CNTN6: variants seen among roughly 807,000 people sequenced by gnomAD.
CNTN6 encodes the protein contactin-6.
CNTN6 carries 137 observed loss-of-function variants against 122.8 expected under a neutral mutation model. The observed-to-expected ratio is 1.12, with a 90% CI of 0.97 to 1.29. CNTN6 has a LOEUF of 1.29. Among genes scored for constraint, CNTN6 ranks in the 50% most tolerant of loss-of-function variants. CNTN6 has a pLI of 0.00. For missense variants in CNTN6, 1,634 were observed against 1,223.4 expected, an observed-to-expected ratio of 1.34 and a Z score of -5.01; for synonymous variants, 570 against 426.0, an observed-to-expected ratio of 1.34 and a Z score of -4.16.
At position 1,295,660 on chromosome 3, in the gene CNTN6, C is replaced by T. The variant is rs1377470355; in HGVS notation, c.514C>T (p.Arg172Ter). 9.9e-6 allele frequency: 16 copies of T among 1,613,762 alleles called. 1 individual carries two copies. The highest frequency in any genetic ancestry group is 8.8e-5 in the South Asian group (8 of 91,088). Residue 172 changes from arginine to a stop codon, truncating the protein, a stop_gained, in exon 6 of 23, where the codon CGA (arginine) becomes TGA (stop). Transcript: ENST00000446702. LOFTEE classifies it high-confidence loss of function. The stretch of plus-strand genomic sequence containing the variant: ...CTTATACGTCCAAGAGGACAATAGG[C>T]GATTTGTATCTCAAGAGACGGGAAA... ...NPLYVQEDNR[R>*]FVSQETGNLY... is the part of the protein sequence containing the mutation.
chr3:1,245,059 T>C lies in CNTN6; in HGVS notation c.358+17066T>C, dbSNP rs1406492657. Among the ~76,000 whole-genome samples the C allele has an allele frequency of 3.4e-5, 5 of 148,502 alleles. No individual in the cohort carries two copies. The Admixed American group carries it at 3.4e-4, about 10-fold the overall frequency. On this transcript the variant is annotated intron_variant, in intron 4 of 22. Coordinates refer to ENST00000446702, the MANE Select transcript of CNTN6 (RefSeq NM_001289080.2). The stretch of plus-strand genomic sequence containing the variant: ...ATGTATACGTGCAAGTTACAGGGGA[T>C]GCGATGGCCTGGTCTGGGCTCAGAG...
rs1457720894 is a variant in CNTN6, at chr3:1,186,964, A to G, written c.56-33723A>G. 2.0e-5 allele frequency among the ~76,000 whole-genome samples: 3 copies of G among 152,174 alleles called. No individual in the cohort carries two copies. The East Asian group carries it at 5.8e-4, about 29-fold the overall frequency. On this transcript the variant is annotated intron_variant, in intron 2 of 22. Transcript: ENST00000446702. ...ATATAAAGGCCTATTTCATGTTACC[A>G]AAGAGGAAAAGAGAAGTTGAGAAAT...
chr3:1,155,263 C>A (rs1288699546), intron 2 of CNTN6, among the ~76,000 whole-genome samples: 1 of 152,186 alleles, frequency 6.6e-6, no homozygotes, highest in East Asian at 1.9e-4. Flanking sequence ...GTATAAGTGG[C>A]TGCATCACTG....
chr3:1,311,154 A>G (rs534074298), intron 7 of CNTN6, among the ~76,000 whole-genome samples: 4 of 141,550 alleles, frequency 2.8e-5, no homozygotes, highest in East Asian at 2.0e-4. Context: ...ATGTCTTTAT[A>G]TATACATAGG....
chr3:1,250,209 T>C (rs1456147553), intron 4 of CNTN6, among the ~76,000 whole-genome samples: 2 of 152,192 alleles, frequency 1.3e-5, no homozygotes, highest in Non-Finnish European at 2.9e-5. Flanking sequence ...AGCAAGTGAA[T>C]GGCAGAGCCA....
intron 4 of CNTN6, among the ~76,000 whole-genome samples, chr3:1,247,008 A>T (rs564580676): frequency 6.6e-6 from 1 of 152,078 alleles, no homozygotes; most frequent in South Asian, 2.1e-4. Context: ...AAACAGAAAA[A>T]TTTAAATTTA....
rs1337092497 is a variant in CNTN6 at position 1,403,968 on chromosome 3, C to T, written c.*550C>T. 6.6e-6 allele frequency: 1 copy of T among 152,072 alleles called. No individual in the cohort carries two copies. The highest frequency in any genetic ancestry group is 1.5e-5 in the Non-Finnish European group (1 of 67,996). The allele number at this position is 152,072 out of a possible 1,614,324, so 9.4% of individuals were successfully genotyped here. ...ATATTTCAATATACATGATGTTCTT[C>T]TCAGCCCACTTTTCAGAAGATTCAG... is the stretch of plus-strand genomic sequence containing the variant. On this transcript the variant is annotated 3_prime_UTR_variant, in exon 23 of 23. Transcript: ENST00000446702.
intron 1 of CNTN6, among the ~76,000 whole-genome samples, chr3:1,130,297 C>A (rs1221688736): frequency 2.6e-5 from 4 of 151,934 alleles, no homozygotes; most frequent in African/African-American, 9.7e-5. Flanking sequence ...CTCCCTTCAC[C>A]CCTAGGATTT....
At chr3:1,327,730 A>C (rs556387886) in intron 10 of CNTN6, 144 bp downstream of exon 10, 3 of 888,674 alleles carry the variant, frequency 3.4e-6, no homozygotes, top group East Asian at 5.6e-5. Context: ...ACTTTTTACA[A>C]AATTCAAGGT....
At chr3:1,340,627 G>T (rs979913337) in intron 11 of CNTN6, among the ~76,000 whole-genome samples, 5 of 152,130 alleles carry the variant, frequency 3.3e-5, no homozygotes, top group Non-Finnish European at 7.4e-5. Context: ...AAGAGTTAAA[G>T]TTAGCAGACA....
intron 10 of CNTN6, among the ~76,000 whole-genome samples, chr3:1,328,969 T>C (rs1701902515): frequency 6.6e-6 from 1 of 151,678 alleles, no homozygotes; most frequent in South Asian, 2.1e-4. Flanking sequence ...ATTTCAATAG[T>C]ATTTTATTGC....
intron 1 of CNTN6, among the ~76,000 whole-genome samples, chr3:1,127,803 G>A (rs372978895): frequency 6.6e-5 from 10 of 151,672 alleles, no homozygotes; most frequent in South Asian, 2.1e-4. Context: ...CCTTTCATTC[G>A]GCCAAAGCAA....
At chr3:1,149,857 T>C (rs2092801787) in intron 2 of CNTN6, among the ~76,000 whole-genome samples, 1 of 152,184 alleles carries the variant, frequency 6.6e-6, no homozygotes, top group African/African-American at 2.4e-5. Flanking sequence ...ATAGGATCTC[T>C]AAAAGACCTT....
chr3:1,221,001 T>A (rs2094200547), intron 3 of CNTN6, among the ~76,000 whole-genome samples, 188 bp downstream of exon 3: 1 of 152,140 alleles, frequency 6.6e-6, no homozygotes, highest in African/African-American at 2.4e-5. Context: ...CCCAGGGTAT[T>A]CCCTCATGCC....
chr3:1,358,088 G>T (rs1027919087), intron 12 of CNTN6, among the ~76,000 whole-genome samples: 1 of 151,612 alleles, frequency 6.6e-6, no homozygotes, highest in Non-Finnish European at 1.5e-5. Context: ...TCATTCAAAT[G>T]CTACCTTATA....
rs577877734 is a variant in CNTN6, at chr3:1,340,901, T to C, written c.1364+10966T>C. Reference sequence around the variant, plus strand: ...AGCCCTGTTCTCTCACCTTTTTATATGTGAGGGAAGCCGAGAACCTTAAGT... The same window carrying C: ...AGCCCTGTTCTCTCACCTTTTTATACGTGAGGGAAGCCGAGAACCTTAAGT... On this transcript the variant is annotated intron_variant, in intron 11 of 22. Coordinates refer to ENST00000446702, the MANE Select transcript of CNTN6 (RefSeq NM_001289080.2). Among the ~76,000 whole-genome samples, 371 of 152,246 alleles carry C rather than the reference T, an allele frequency of 2.4e-3. 1 individual carries two copies. The highest frequency in any genetic ancestry group is 8.4e-3 in the African/African-American group (347 of 41,546).
chr3:1,343,245 G>A (rs1313476271), intron 11 of CNTN6, among the ~76,000 whole-genome samples: 1 of 152,100 alleles, frequency 6.6e-6, no homozygotes, highest in East Asian at 1.9e-4. Context: ...CTGCTGGTCA[G>A]TTGGAGACTA....
chr3:1,264,003 CG>C (rs1480783822), intron 4 of CNTN6, among the ~76,000 whole-genome samples: 2 of 151,062 alleles, frequency 1.3e-5, no homozygotes, highest in Non-Finnish European at 2.9e-5. Flanking sequence ...CAAGGGCCAT[CG>C]GGGGAAGAAA....
chr3:1,174,695 A>C (rs1435825875), intron 2 of CNTN6, among the ~76,000 whole-genome samples: 1 of 152,186 alleles, frequency 6.6e-6, no homozygotes, highest in Non-Finnish European at 1.5e-5. Flanking sequence ...TCATGGCTTC[A>C]CCCACATGCT....
Sources: gnomAD v4.1 joint callset for allele counts (sites outside exome capture counted in the v4.1 genomes callset) on GRCh38, gnomAD v4.1.1 for gene constraint, MANE v1.5 for transcripts, NCBI Gene and HGNC (gene_info 2026-07-23, HGNC 2026-07-21) for gene names.